IVNS1ABP: variants seen among roughly 807,000 people sequenced by gnomAD.
The protein encoded by IVNS1ABP is influenza virus NS1A binding protein, also known as influenza virus NS1A-binding protein.
Under a neutral mutation model 78.9 loss-of-function variants are expected in IVNS1ABP, and 25 were observed. That is an observed-to-expected ratio of 0.32 (90% CI 0.23 to 0.44). The LOEUF (loss-of-function observed/expected upper bound fraction) is 0.44. IVNS1ABP is among the 20% of genes least tolerant of loss of function. The pLI, the probability that IVNS1ABP is intolerant of heterozygous loss-of-function variation, is 1.00. For synonymous variants in IVNS1ABP, 241 were observed against 259.7 expected, an observed-to-expected ratio of 0.93 and a Z score of 0.69; for missense variants, 494 against 768.9, an observed-to-expected ratio of 0.64 and a Z score of 4.23.
rs1351023168 is a variant in IVNS1ABP, at chr1:185,300,116, T to A, written c.1384A>T (p.Asn462Tyr). The A allele has an allele frequency of 6.2e-7, 1 of 1,613,202 alleles. No individual in the cohort carries two copies. The highest frequency in any genetic ancestry group is 8.5e-7 in the Non-Finnish European group (1 of 1,179,480). ...CCACCAACGATGTATAACTTTCCAT[T>A]CAGAGCACACACTCCTATGTAAGTA... Reference protein sequence around the residue: ...NRCNAGVCALNGKLYIVGGSD... With the variant: ...NRCNAGVCALYGKLYIVGGSD... Residue 462 changes from asparagine (N) to tyrosine (Y), a missense_variant, in exon 13 of 15, where the codon AAT becomes TAT. Transcript: ENST00000367498.
intron 1 of IVNS1ABP, among the ~76,000 whole-genome samples, chr1:185,313,134 T>C (rs568270816): frequency 1.3e-5 from 2 of 152,316 alleles, no homozygotes; most frequent in East Asian, 1.9e-4. Flanking sequence ...CTAAAATTTA[T>C]TTTGGAAAAA....
chr1:185,300,915 G>T (rs1665578104), intron 10 of IVNS1ABP, 57 bp downstream of exon 10: 1 of 1,340,202 alleles, frequency 7.5e-7, no homozygotes, highest in Non-Finnish European at 1.1e-6. Flanking sequence ...TTGAAAGTTT[G>T]CATGTCACAA....
intron 1 of IVNS1ABP, among the ~76,000 whole-genome samples, chr1:185,315,788 TG>T (rs1367304399): frequency 6.6e-6 from 1 of 152,240 alleles, no homozygotes; most frequent in Non-Finnish European, 1.5e-5. Context: ...TAGTCCATGC[TG>T]TACTTATTCA....
chr1:185,308,954 T>C (rs1665813993), intron 4 of IVNS1ABP, 49 bp downstream of exon 4: 1 of 1,583,550 alleles, frequency 6.3e-7, no homozygotes, highest in Admixed American at 1.8e-5. Context: ...AGACTTGGAA[T>C]TTTCTGAAGA....
chr1:185,313,299 A>G (rs1482191053), intron 1 of IVNS1ABP, among the ~76,000 whole-genome samples: 2 of 152,164 alleles, frequency 1.3e-5, no homozygotes, highest in African/African-American at 2.4e-5. Flanking sequence ...CTCTAATTCC[A>G]TGACAGTACC....
At chr1:185,307,272 G>A in intron 6 of IVNS1ABP, 133 bp from the exon 7 acceptor site, 1 of 1,210,256 alleles carries the variant, frequency 8.3e-7, no homozygotes. Context: ...TAAGGAACCA[G>A]GAATTTGTAA....
chr1:185,307,787 A>C, intron 5 of IVNS1ABP, 125 bp from the exon 6 acceptor site: 1 of 1,203,188 alleles, frequency 8.3e-7, no homozygotes. Flanking sequence ...TAATACAACA[A>C]ATGTTAATAG....
At chr1:185,310,453 C>T (rs191945183) in intron 2 of IVNS1ABP, among the ~76,000 whole-genome samples, 60 of 152,106 alleles carry the variant, frequency 3.9e-4, no homozygotes, top group African/African-American at 1.4e-3. Flanking sequence ...ACTAAAAATA[C>T]AAAATTTAGC....
chr1:185,307,928 T>C, intron 5 of IVNS1ABP: 1 of 1,529,142 alleles, frequency 6.5e-7, no homozygotes, highest in Non-Finnish European at 8.8e-7. Context: ...GTAGAATAAT[T>C]TGGTAAGGCT....
chr1:185,305,719 G>A lies in IVNS1ABP; in HGVS notation c.658-76C>T, dbSNP rs1665722125. 11 of 1,529,206 alleles carry A rather than the reference G, an allele frequency of 7.2e-6. No individual in the cohort carries two copies. Among genetic ancestry groups the A allele is most frequent in the South Asian group, 7.1e-5 (6 of 84,410 alleles). The allele number at this position is 1,529,206 out of a possible 1,614,324, so 94.7% of individuals were successfully genotyped here. The stretch of plus-strand genomic sequence containing the variant: ...CCACTAGTATGCAGATTACACAAAC[G>A]CCTCAAGGTAACCTCCAGTGTGCTT... On this transcript the variant is annotated intron_variant, in intron 7 of 14. Transcript: ENST00000367498. This position sits in a 1 kb window ranked among gnomAD's most constrained non-coding sequence, Gnocchi z 4.0.
Position 185,307,486 on chromosome 1 carries a change from TACC to T in IVNS1ABP, c.531_531+2del. 2.5e-6 allele frequency: 4 copies of T among 1,609,828 alleles called. No homozygotes were observed. Among genetic ancestry groups the T allele is most frequent in the Non-Finnish European group, 3.4e-6 (4 of 1,177,794 alleles). On this transcript the variant is annotated splice_donor_variant and coding_sequence_variant, in exon 6 of 15. Coordinates refer to ENST00000367498, the MANE Select transcript of IVNS1ABP (RefSeq NM_006469.5). LOFTEE classifies it high-confidence loss of function. ...ATATCTGTTTATAGACTTTACTCCT[TACC>T]TTTAGCCTTGGAAGCTTAAGAAACT...
At chr1:185,306,607 C>G in intron 7 of IVNS1ABP, 1 of 1,233,928 alleles carries the variant, frequency 8.1e-7, no homozygotes, top group Non-Finnish European at 1.0e-6. Context: ...TCTTGGGTAT[C>G]CTAGTTTTGT....
Position 185,301,419 on chromosome 1 carries a change from G to T in IVNS1ABP, c.895+15C>A. On this transcript the variant is annotated intron_variant, in intron 9 of 14. Transcript: ENST00000367498. Reference sequence around the variant, plus strand: ...AGGTAAGCTGAAAACAATCTGGCAAGTGTCATATACTTACTTGAAGTCTTT... The same window carrying T: ...AGGTAAGCTGAAAACAATCTGGCAATTGTCATATACTTACTTGAAGTCTTT... The T allele has an allele frequency of 6.2e-7, 1 of 1,612,318 alleles. No homozygotes were observed. The highest frequency in any genetic ancestry group is 1.1e-5 in the South Asian group (1 of 90,986).
Position 185,309,288 on chromosome 1 carries a change from C to A in IVNS1ABP, c.111+95G>T, listed in dbSNP as rs185353040. 1.3e-4 allele frequency: 159 copies of A among 1,195,638 alleles called. No homozygotes were observed. The African/African-American group carries it at 2.3e-3, about 17-fold the overall frequency. 74.1% of individuals were successfully genotyped at this position (1,195,638 alleles called of 1,614,324 possible). A position where few individuals can be genotyped will look rare whatever the true frequency, so the allele number is the denominator to read the frequency against. ...TCAGTATTCTTTTAAAAAATCATTTCATTAAATGCCTATGAAAAAGAAATA... is the reference window on the plus strand; with the variant it reads ...TCAGTATTCTTTTAAAAAATCATTTAATTAAATGCCTATGAAAAAGAAATA... On this transcript the variant is annotated intron_variant, in intron 3 of 14. Transcript: ENST00000367498.
At position 185,298,542 on chromosome 1, in the gene IVNS1ABP, T is replaced by C. The variant is rs995712483; in HGVS notation, c.1676-254A>G. 1 of 490,526 alleles carries C rather than the reference T, an allele frequency of 2.0e-6. No homozygotes were observed. The highest frequency in any genetic ancestry group is 3.6e-6 in the Non-Finnish European group (1 of 277,310). The allele number at this position is 490,526 out of a possible 1,614,324, so 30.4% of individuals were successfully genotyped here. ...GGAGGGAGAGGAAGCAGTAGCAGCA[T>C]CTAAATAAGTACAATTTTCACCAAC... On this transcript the variant is annotated intron_variant, in intron 14 of 14. Transcript: ENST00000367498. This position sits in a 1 kb window ranked among gnomAD's most constrained non-coding sequence, Gnocchi z 4.1.
chr1:185,300,659 T>G (rs1218799220), intron 10 of IVNS1ABP, 101 bp from the exon 11 acceptor site: 1 of 1,266,684 alleles, frequency 7.9e-7, no homozygotes. Context: ...TGAGAAAAAG[T>G]ATTAAAACTT....
At chr1:185,304,304 C>T (rs1029127572) in intron 8 of IVNS1ABP, among the ~76,000 whole-genome samples, 2 of 152,148 alleles carry the variant, frequency 1.3e-5, no homozygotes, top group Non-Finnish European at 2.9e-5. Flanking sequence ...GGCACTCAAC[C>T]TCTGCATGTT....
Position 185,305,551 on chromosome 1 carries a change from G to C in IVNS1ABP, c.750C>G (p.His250Gln). Residue 250 changes from histidine to glutamine, a missense_variant, in exon 8 of 15, where the codon CAC becomes CAG. By Grantham distance (24) the His-to-Gln change is conservative. Transcript: ENST00000367498. The surrounding 1 kb of genome is among the most constrained non-coding windows in gnomAD (Gnocchi z 4.0). ...QAEVFGSDDDHIQFVQKKPPR... is the reference protein window; with the variant it reads ...QAEVFGSDDDQIQFVQKKPPR... The stretch of plus-strand genomic sequence containing the variant: ...CAATGTGTACCTGCACAAACTGAAT[G>C]TGGTCATCATCACTGCCAAACACCT... 1 of 1,613,056 alleles carries C rather than the reference G, an allele frequency of 6.2e-7. No individual in the cohort carries two copies. The highest frequency in any genetic ancestry group is 8.5e-7 in the Non-Finnish European group (1 of 1,179,480).
chr1:185,308,614 GAGA>G (rs1302091318), intron 5 of IVNS1ABP, among the ~76,000 whole-genome samples, 183 bp downstream of exon 5: 4 of 152,136 alleles, frequency 2.6e-5, no homozygotes, highest in Non-Finnish European at 5.9e-5. Context: ...CAAATTATCT[GAGA>G]AGAAGTGTGA....
Sources: allele counts gnomAD v4.1 joint callset (sites outside exome capture counted in the v4.1 genomes callset), GRCh38; gene constraint gnomAD v4.1.1; non-coding constraint Gnocchi (gnomAD v3.1); transcripts MANE v1.5; gene names NCBI Gene and HGNC (gene_info 2026-07-23, HGNC 2026-07-21).